WDR35: variants seen among roughly 807,000 people sequenced by gnomAD.
WDR35 encodes the protein WD repeat domain 35.
In WDR35, 118 loss-of-function variants were observed where a neutral mutation model predicts 158.3. That is an observed-to-expected ratio of 0.75 (90% CI 0.64 to 0.87). The LOEUF is 0.87. Ranked by LOEUF, WDR35 falls within the 40% of genes least tolerant of loss-of-function variation. The pLI is 0.00. For missense variants in WDR35, 1,263 were observed against 1,405.8 expected (o/e 0.90, Z 1.62); for synonymous variants, 448 against 476.1 (o/e 0.94, Z 0.77).
At chr2:19,933,770 T>A (rs1191822975) in intron 21 of WDR35, among the ~76,000 whole-genome samples, 1 of 152,120 alleles carries the variant, frequency 6.6e-6, no homozygotes, top group Non-Finnish European at 1.5e-5. Flanking sequence ...TCCTTTCTTA[T>A]CTCAGTTCAG....
intron 26 of WDR35, 114 bp from the exon 27 acceptor site, chr2:19,913,822 T>C: frequency 1.4e-6 from 2 of 1,466,442 alleles, no homozygotes; most frequent in East Asian, 2.4e-5. Context: ...GAACATCAAA[T>C]ACTTTCATTT....
rs1037968850 is a variant in WDR35 at position 19,913,244 on chromosome 2, C to T, written c.*314G>A. ...TTTTTAATGAATTCAGTTACCTTGA[C>T]ACTGTGAGAAAAAAATTTATTTGGA... On this transcript the variant is annotated 3_prime_UTR_variant, in exon 27 of 27. Transcript: ENST00000281405. 8.0e-6 allele frequency: 2 copies of T among 248,746 alleles called. No individual in the cohort carries two copies. The highest frequency in any genetic ancestry group is 2.0e-4 in the East Asian group (2 of 10,126). The allele number at this position is 248,746 out of a possible 1,614,324, so 15.4% of individuals were successfully genotyped here.
intron 11 of WDR35, among the ~76,000 whole-genome samples, chr2:19,959,145 A>G (rs1671548903): frequency 6.6e-6 from 1 of 151,998 alleles, no homozygotes; most frequent in African/African-American, 2.4e-5. Context: ...AGTCAGCAAG[A>G]CTACAAAAAA....
At chr2:19,969,244 A>C (rs571526033) in intron 9 of WDR35, among the ~76,000 whole-genome samples, 1 of 152,252 alleles carries the variant, frequency 6.6e-6, no homozygotes, top group Non-Finnish European at 1.5e-5. Flanking sequence ...GCCCTTCATC[A>C]ATCTCTCTTC....
intron 9 of WDR35, among the ~76,000 whole-genome samples, chr2:19,968,227 GT>G (rs1558352037): frequency 6.6e-6 from 1 of 152,142 alleles, no homozygotes; most frequent in Non-Finnish European, 1.5e-5. Context: ...TCCTAATGAT[GT>G]TAACCTTTAT....
At chr2:19,962,995 G>T (rs1173324238) in intron 10 of WDR35, among the ~76,000 whole-genome samples, 1 of 151,892 alleles carries the variant, frequency 6.6e-6, no homozygotes, top group Non-Finnish European at 1.5e-5. Flanking sequence ...TCCCTTTACC[G>T]ATCCTTTTGC....
intron 11 of WDR35, among the ~76,000 whole-genome samples, chr2:19,958,667 C>T (rs1464271009): frequency 6.6e-6 from 1 of 152,086 alleles, no homozygotes; most frequent in Non-Finnish European, 1.5e-5. Flanking sequence ...AGTGTTAGGT[C>T]ATGGGGATAC....
At chr2:19,923,538 A>T (rs1379393423) in intron 25 of WDR35, among the ~76,000 whole-genome samples, 1 of 152,208 alleles carries the variant, frequency 6.6e-6, no homozygotes, top group Non-Finnish European at 1.5e-5. Context: ...CTAAAGCTAA[A>T]GCGGTAAAGG....
intron 25 of WDR35, among the ~76,000 whole-genome samples, chr2:19,923,810 C>A (rs1212892246): frequency 6.6e-6 from 1 of 152,168 alleles, no homozygotes; most frequent in African/African-American, 2.4e-5. Context: ...ACATTTGAGC[C>A]TTTTCCTTTT....
In WDR35 at chr2:19,990,067, C is replaced by T. The variant is rs1205703696; in HGVS notation, c.-52G>A. 2 of 1,608,162 alleles carry T rather than the reference C, an allele frequency of 1.2e-6. No homozygotes were observed. Among genetic ancestry groups the T allele is most frequent in the Non-Finnish European group, 1.7e-6 (2 of 1,177,096 alleles). ...GGCCGCTAAGGCCCTCGACAAGTAA[C>T]GGTTCTACGTCTCCAATCGGGAGTA... On this transcript the variant is annotated 5_prime_UTR_variant, in exon 1 of 27. Coordinates refer to ENST00000281405, the MANE Select transcript of WDR35 (RefSeq NM_020779.4).
At chr2:19,979,364 C>A (rs892528644) in intron 4 of WDR35, among the ~76,000 whole-genome samples, 6 of 151,972 alleles carry the variant, frequency 3.9e-5, no homozygotes, top group Admixed American at 2.6e-4. Context: ...GTTACCATCA[C>A]AAAGAGAATG....
intron 8 of WDR35, among the ~76,000 whole-genome samples, chr2:19,972,291 T>C (rs143393774): frequency 3.3e-5 from 5 of 152,344 alleles, no homozygotes; most frequent in Non-Finnish European, 7.3e-5. Context: ...ATACTTTTAG[T>C]TACAGCTAAA....
At chr2:19,942,570 G>C (rs1026811649) in intron 16 of WDR35, among the ~76,000 whole-genome samples, 24 of 149,692 alleles carry the variant, frequency 1.6e-4, no homozygotes, top group African/African-American at 5.9e-4. Flanking sequence ...TTTTTGGCAA[G>C]ACAGTGCAAC....
chr2:19,928,737 A>T (rs1443412189), intron 25 of WDR35, among the ~76,000 whole-genome samples: 1 of 152,210 alleles, frequency 6.6e-6, no homozygotes, highest in Non-Finnish European at 1.5e-5. Context: ...CACAATGTCC[A>T]GGCAGCATAA....
intron 25 of WDR35, among the ~76,000 whole-genome samples, chr2:19,914,549 A>C (rs895769342): frequency 1.3e-5 from 2 of 152,144 alleles, no homozygotes; most frequent in African/African-American, 2.4e-5. Context: ...CACACACACA[A>C]AATTTTGGTG....
chr2:19,917,988 G>C (rs544660144), intron 25 of WDR35, among the ~76,000 whole-genome samples: 1 of 152,284 alleles, frequency 6.6e-6, no homozygotes, highest in Non-Finnish European at 1.5e-5. Flanking sequence ...AGGGCAACCT[G>C]AGAGAAAGGT....
chr2:19,966,987 T>A, intron 9 of WDR35, 78 bp from the exon 10 acceptor site: 1 of 1,410,120 alleles, frequency 7.1e-7, no homozygotes, highest in Admixed American at 1.8e-5. Context: ...GCAAATCACA[T>A]TATTTTATTT....
At chr2:19,937,600 A>C (rs1670737922) in intron 19 of WDR35, 143 bp downstream of exon 19, 1 of 1,089,754 alleles carries the variant, frequency 9.2e-7, no homozygotes. Context: ...GGCATGTAGA[A>C]TATCTAGGTT....
chr2:19,922,626 T>C (rs1670205226), intron 25 of WDR35, among the ~76,000 whole-genome samples: 1 of 151,854 alleles, frequency 6.6e-6, no homozygotes, highest in African/African-American at 2.4e-5. Flanking sequence ...AGATGACGGG[T>C]TGATGGGTGC....
Sources: gnomAD v4.1 joint callset for allele counts (sites outside exome capture counted in the v4.1 genomes callset) on GRCh38, gnomAD v4.1.1 for gene constraint, MANE v1.5 for transcripts, NCBI Gene and HGNC (gene_info 2026-07-23, HGNC 2026-07-21) for gene names.